The following SLC24A2 variants were observed in gnomAD, a reference collection of about 807,000 sequenced individuals.
The protein encoded by SLC24A2 is sodium/potassium/calcium exchanger 2.
SLC24A2 carries 36 observed loss-of-function variants against 62.0 expected under a neutral mutation model. The observed-to-expected ratio is 0.58, with a 90% CI of 0.44 to 0.77. The LOEUF (loss-of-function observed/expected upper bound fraction) is 0.77, where lower values mean the gene tolerates loss of function less well. SLC24A2 is among the 30% of genes least tolerant of loss of function. The pLI is 0.00. For synonymous variants in SLC24A2, 358 were observed against 294.0 expected (o/e 1.22, Z -2.23); for missense variants, 846 against 817.9 (o/e 1.03, Z -0.42).
the SLC24A2 span, among the ~76,000 whole-genome samples, chr9:20,011,188 G>A: frequency 6.6e-6 from 1 of 152,156 alleles, no homozygotes; most frequent in African/African-American, 2.4e-5. Context: ...TTGCCACACT[G>A]TCTTCCACAA....
the SLC24A2 span, among the ~76,000 whole-genome samples, chr9:20,071,134 C>T: frequency 1.3e-5 from 2 of 152,152 alleles, no homozygotes; most frequent in African/African-American, 2.4e-5. Flanking sequence ...TTCCTGAGGC[C>T]ACTCTAGAAG....
the SLC24A2 span, among the ~76,000 whole-genome samples, chr9:20,091,680 C>T: frequency 1.5e-4 from 23 of 152,222 alleles, no homozygotes; most frequent in Non-Finnish European, 2.5e-4. Flanking sequence ...TGTTACCACC[C>T]GGCCTGCCTT....
chr9:19,622,568 C>T (rs998122636), intron 2 of SLC24A2, among the ~76,000 whole-genome samples: 1 of 152,188 alleles, frequency 6.6e-6, no homozygotes, highest in African/African-American at 2.4e-5. Context: ...GTTAAGTCAA[C>T]TGTGGCCCAG....
chr9:20,019,557 T>C, the SLC24A2 span, among the ~76,000 whole-genome samples: 1 of 152,030 alleles, frequency 6.6e-6, no homozygotes, highest in Admixed American at 6.5e-5. Flanking sequence ...TTTGGTACCA[T>C]ACAAAAACTA....
At chr9:20,026,561 C>A in the SLC24A2 span, among the ~76,000 whole-genome samples, 1 of 152,096 alleles carries the variant, frequency 6.6e-6, no homozygotes, top group South Asian at 2.1e-4. Flanking sequence ...CCTTGAAGAA[C>A]ACACAATAGG....
chr9:19,763,486 G>T (rs1314485274), intron 2 of SLC24A2, among the ~76,000 whole-genome samples: 1 of 152,178 alleles, frequency 6.6e-6, no homozygotes, highest in East Asian at 1.9e-4. Context: ...TTTGAGATAT[G>T]TTCCATCAAT....
At chr9:19,667,122 G>A (rs951608019) in intron 2 of SLC24A2, among the ~76,000 whole-genome samples, 3 of 152,128 alleles carry the variant, frequency 2.0e-5, no homozygotes, top group East Asian at 3.9e-4. Flanking sequence ...CAACCTCAAT[G>A]ATTTATCACA....
chr9:19,969,896 G>C, the SLC24A2 span, among the ~76,000 whole-genome samples: 1 of 152,132 alleles, frequency 6.6e-6, no homozygotes, highest in African/African-American at 2.4e-5. Flanking sequence ...AGCTATACTA[G>C]GGATTGCAAT....
At chr9:19,858,262 A>G in the SLC24A2 span, among the ~76,000 whole-genome samples, 1 of 152,158 alleles carries the variant, frequency 6.6e-6, no homozygotes, top group Non-Finnish European at 1.5e-5. Flanking sequence ...GGAAAGGACT[A>G]CATATTCAAC....
chr9:19,738,579 T>C (rs1564073101), intron 2 of SLC24A2, among the ~76,000 whole-genome samples: 1 of 152,032 alleles, frequency 6.6e-6, no homozygotes, highest in Non-Finnish European at 1.5e-5. Flanking sequence ...AATATGGCTG[T>C]ATATATAGAA....
At chr9:20,191,941 G>A in the SLC24A2 span, among the ~76,000 whole-genome samples, 1 of 152,132 alleles carries the variant, frequency 6.6e-6, no homozygotes, top group African/African-American at 2.4e-5. Flanking sequence ...GACCCATGAA[G>A]ATAAGATGCT....
intron 2 of SLC24A2, among the ~76,000 whole-genome samples, chr9:19,784,292 C>T (rs545628309): frequency 1.7e-4 from 26 of 152,286 alleles, no homozygotes. Context: ...AATCAGAATA[C>T]AAAATCCTTC....
chr9:20,233,819 C>T, the SLC24A2 span, among the ~76,000 whole-genome samples: 4 of 152,138 alleles, frequency 2.6e-5, no homozygotes, highest in East Asian at 5.8e-4. Flanking sequence ...TTCTTCTTAG[C>T]CTTGATGGTC....
chr9:19,564,082 C>G (rs1835549791), intron 7 of SLC24A2, among the ~76,000 whole-genome samples: 1 of 151,978 alleles, frequency 6.6e-6, no homozygotes, highest in African/African-American at 2.4e-5. Flanking sequence ...TCTCAAACTC[C>G]TGAGCTCAAG....
chr9:19,569,364 C>T (rs1835774354), intron 7 of SLC24A2, among the ~76,000 whole-genome samples: 1 of 152,164 alleles, frequency 6.6e-6, no homozygotes. Flanking sequence ...CTATTCTGAT[C>T]CCTCTTGACC....
At chr9:19,597,099 A>G in intron 5 of SLC24A2, 130 bp downstream of exon 5, 1 of 697,578 alleles carries the variant, frequency 1.4e-6, no homozygotes, top group Non-Finnish European at 2.6e-6. Flanking sequence ...ACAAAAATGC[A>G]GAAAGAATAG....
the SLC24A2 span, among the ~76,000 whole-genome samples, chr9:20,026,218 A>T: frequency 6.6e-6 from 1 of 152,230 alleles, no homozygotes; most frequent in Non-Finnish European, 1.5e-5. Flanking sequence ...TAAAAAAAAT[A>T]GGGAATGGTG....
intron 4 of SLC24A2, among the ~76,000 whole-genome samples, chr9:19,614,638 CTGGGATTTCCCAGGCTA>C (rs1731178978): frequency 6.6e-6 from 1 of 152,086 alleles, no homozygotes; most frequent in East Asian, 1.9e-4. Context: ...AACTGACATC[CTGGGATTTCCCAGGCTA>C]GGTCATATAA....
intron 2 of SLC24A2, among the ~76,000 whole-genome samples, chr9:19,663,814 G>T (rs1437886636): frequency 7.2e-5 from 11 of 152,230 alleles, no homozygotes; most frequent in African/African-American, 2.7e-4. Flanking sequence ...TCCCAGGGCT[G>T]CTGAGACCAA....
Sources: gnomAD v4.1 joint callset for allele counts (sites outside exome capture counted in the v4.1 genomes callset) on GRCh38, gnomAD v4.1.1 for gene constraint, MANE v1.5 for transcripts, NCBI Gene and HGNC (gene_info 2026-07-23, HGNC 2026-07-21) for gene names.